Variants in PCDHA1 observed in about 807,000 individuals in gnomAD.
PCDHA1 encodes protocadherin alpha 1.
Under a neutral mutation model 61.3 loss-of-function variants are expected in PCDHA1, and 42 were observed. The observed-to-expected ratio is 0.69, with a 90% CI of 0.54 to 0.89. The LOEUF (loss-of-function observed/expected upper bound fraction) is 0.89. Among genes scored for constraint, PCDHA1 ranks in the 40% least tolerant of loss-of-function variants. The probability of loss-of-function intolerance (pLI) is 0.00; values close to 1 mark genes in which losing one functional copy is unlikely to be tolerated. For missense variants in PCDHA1, 1,256 were observed against 1,235.3 expected, an observed-to-expected ratio of 1.02 and a Z score of -0.25; for synonymous variants, 610 against 553.8, an observed-to-expected ratio of 1.10 and a Z score of -1.43.
intron 1 of PCDHA1, chr5:140,828,206 G>T: frequency 6.2e-7 from 1 of 1,614,036 alleles, no homozygotes; most frequent in Non-Finnish European, 8.5e-7. Context: ...ACCCGAGGAG[G>T]CCAAACACGG....
At chr5:140,958,484 G>A (rs246009) in intron 1 of PCDHA1, among the ~76,000 whole-genome samples, 85,541 of 151,786 alleles carry the variant, frequency 0.56, 24,705 homozygotes, top group African/African-American at 0.69. Flanking sequence ...AGAGCACTAA[G>A]TCCACATATC....
chr5:140,869,183 G>A, intron 1 of PCDHA1: 1 of 1,613,958 alleles, frequency 6.2e-7, no homozygotes, highest in Non-Finnish European at 8.5e-7. Flanking sequence ...TGGGAGGTGG[G>A]GAGCGGCCAG....
chr5:140,825,394 A>AAT (rs2150139298), intron 1 of PCDHA1: 7,825 of 145,962 alleles, frequency 0.054, 680 homozygotes, highest in African/African-American at 0.19. Flanking sequence ...ATATATATCT[A>AAT]ATATATTATA....
chr5:140,868,245 C>T (rs1264028092), intron 1 of PCDHA1: 1 of 152,002 alleles, frequency 6.6e-6, no homozygotes, highest in Non-Finnish European at 1.5e-5. Context: ...GATCAATAGA[C>T]TTTTCCTTTG....
chr5:140,933,314 G>C (rs925777839), intron 1 of PCDHA1, among the ~76,000 whole-genome samples: 1 of 151,914 alleles, frequency 6.6e-6, no homozygotes, highest in African/African-American at 2.4e-5. Context: ...ATGCAATCTC[G>C]TATTCTCCTG....
At chr5:140,872,402 G>A (rs1272057866) in intron 1 of PCDHA1, among the ~76,000 whole-genome samples, 3 of 152,128 alleles carry the variant, frequency 2.0e-5, no homozygotes, top group African/African-American at 7.2e-5. Flanking sequence ...TGAGGCAGGA[G>A]AATTGCTTGA....
At chr5:140,882,950 C>G (rs1197710877) in intron 1 of PCDHA1, 1 of 1,614,098 alleles carries the variant, frequency 6.2e-7, no homozygotes, top group Non-Finnish European at 8.5e-7. Context: ...CACAGTTCAG[C>G]TGCTCATCAC....
intron 1 of PCDHA1, chr5:140,828,956 G>A: frequency 1.2e-6 from 2 of 1,614,244 alleles, no homozygotes; most frequent in Non-Finnish European, 1.7e-6. Flanking sequence ...TGCAGCCATG[G>A]TTATTGACCA....
intron 1 of PCDHA1, among the ~76,000 whole-genome samples, chr5:140,800,501 T>C (rs1581637345): frequency 6.6e-6 from 1 of 152,214 alleles, no homozygotes; most frequent in South Asian, 2.1e-4. Context: ...TTTAAATACT[T>C]CAACATCTCA....
intron 1 of PCDHA1, among the ~76,000 whole-genome samples, chr5:140,885,444 T>C (rs2060598536): frequency 1.3e-5 from 2 of 152,198 alleles, no homozygotes; most frequent in South Asian, 2.1e-4. Flanking sequence ...TGCAATTATA[T>C]ATTATTTACC....
At chr5:140,822,828 A>G in intron 1 of PCDHA1, 2 of 1,614,224 alleles carry the variant, frequency 1.2e-6, no homozygotes, top group Non-Finnish European at 1.7e-6. Flanking sequence ...AGATGGCCAT[A>G]ACCACCCTTT....
intron 1 of PCDHA1, chr5:140,849,795 T>C (rs2150450595): frequency 6.3e-7 from 1 of 1,598,164 alleles, no homozygotes; most frequent in Non-Finnish European, 8.6e-7. Flanking sequence ...GGGCTCGCCT[T>C]CACTGTGGGC....
Position 140,835,940 on chromosome 5 carries a change from G to A in PCDHA1, c.2394+47256G>A. 6 of 1,612,590 alleles carry A rather than the reference G, an allele frequency of 3.7e-6. No homozygotes were observed. In the South Asian group the frequency reaches 6.6e-5, roughly 18 times the overall value. ...ACGCGGAGAGCGGCAAGGTGTACGCGCTGCAGCCGTTGGACCACGAGGAGC... is the reference window on the plus strand; with the variant it reads ...ACGCGGAGAGCGGCAAGGTGTACGCACTGCAGCCGTTGGACCACGAGGAGC... On this transcript the variant is annotated intron_variant, in intron 1 of 3. Transcript: ENST00000504120.
At chr5:140,892,678 A>G (rs1381127232) in intron 1 of PCDHA1, among the ~76,000 whole-genome samples, 2 of 152,216 alleles carry the variant, frequency 1.3e-5, no homozygotes, top group Middle Eastern at 3.2e-3. Context: ...ACATATATAC[A>G]ATGTATAATA....
chr5:140,871,712 A>G, intron 1 of PCDHA1: 1 of 805,086 alleles, frequency 1.2e-6, no homozygotes, highest in South Asian at 2.2e-5. Context: ...TAAATGTCCT[A>G]TTTCTCTTAA....
intron 1 of PCDHA1, among the ~76,000 whole-genome samples, chr5:140,965,125 C>A (rs571083058): frequency 6.6e-6 from 1 of 152,308 alleles, no homozygotes; most frequent in Non-Finnish European, 1.5e-5. Context: ...GGAAGATCTA[C>A]AGATGACAGA....
intron 1 of PCDHA1, among the ~76,000 whole-genome samples, chr5:140,924,421 A>G (rs2081827627): frequency 6.6e-6 from 1 of 152,172 alleles, no homozygotes; most frequent in Non-Finnish European, 1.5e-5. Flanking sequence ...TGCCCTTTCT[A>G]GTTCCCTAGA....
At chr5:140,865,190 C>T (rs976709711) in intron 1 of PCDHA1, 3 of 152,106 alleles carry the variant, frequency 2.0e-5, no homozygotes, top group Admixed American at 1.3e-4. Flanking sequence ...TGCCTTCACA[C>T]CATATTAATG....
chr5:140,851,794 T>C (rs2042159593), intron 1 of PCDHA1: 2 of 954,372 alleles, frequency 2.1e-6, no homozygotes. Flanking sequence ...ATTCACTTGT[T>C]CTGTCAGTAA....
Sources: gnomAD v4.1 joint callset for allele counts (sites outside exome capture counted in the v4.1 genomes callset) on GRCh38, gnomAD v4.1.1 for gene constraint, MANE v1.5 for transcripts, NCBI Gene and HGNC (gene_info 2026-07-23, HGNC 2026-07-21) for gene names.